The following WDR72 variants were observed in gnomAD, a reference collection of about 807,000 sequenced individuals.
WDR72 encodes WD repeat-containing protein 72.
A neutral mutation model predicts 124.2 loss-of-function variants in WDR72; 120 were observed. That is an observed-to-expected ratio of 0.97 (90% CI 0.83 to 1.12). WDR72 has a LOEUF of 1.12. WDR72 is among the 50% of genes most tolerant of loss of function. The pLI is 0.00. For synonymous variants in WDR72, 452 were observed against 441.7 expected, an observed-to-expected ratio of 1.02 and a Z score of -0.29; for missense variants, 1,387 against 1,278.8, an observed-to-expected ratio of 1.08 and a Z score of -1.29.
At position 53,589,119 on chromosome 15, in the gene WDR72, G is replaced by C. The variant is rs151172137; in HGVS notation, c.3148+7960C>G. ...CTCTAAAAATATCAAACTGAAATCA[G>C]ATCATGACAAAGTGAGCAGTCAAGA... On this transcript the variant is annotated intron_variant, in intron 18 of 19. Transcript: ENST00000360509. Among the ~76,000 whole-genome samples the C allele has an allele frequency of 2.0e-3, 310 of 152,022 alleles. 3 individuals carry two copies. The highest frequency in any genetic ancestry group is 7.2e-3 in the African/African-American group (299 of 41,522).
At chr15:53,722,986 ACT>A in intron 2 of WDR72, 78 bp from the exon 3 acceptor site, 2 of 1,334,966 alleles carry the variant, frequency 1.5e-6, no homozygotes, top group East Asian at 2.3e-5. Flanking sequence ...AGTATTCATA[ACT>A]CTGATTAGGA....
chr15:53,723,766 C>T (rs552656345), intron 2 of WDR72, among the ~76,000 whole-genome samples: 1 of 152,136 alleles, frequency 6.6e-6, no homozygotes, highest in Admixed American at 6.5e-5. Flanking sequence ...ACTTATAATA[C>T]CTAATACAAT....
intron 14 of WDR72, among the ~76,000 whole-genome samples, chr15:53,637,393 CTTG>C (rs2014664937): frequency 2.0e-5 from 3 of 152,090 alleles, no homozygotes; most frequent in Admixed American, 6.6e-5. Context: ...AACATTTTTA[CTTG>C]TTGTCTGCTT....
intron 19 of WDR72, among the ~76,000 whole-genome samples, chr15:53,519,608 T>C (rs1033356695): frequency 6.6e-6 from 1 of 152,060 alleles, no homozygotes; most frequent in African/African-American, 2.4e-5. Flanking sequence ...TCAGAGACAC[T>C]TTTCCCTATC....
At chr15:53,696,840 T>G (rs1019330940) in intron 13 of WDR72, among the ~76,000 whole-genome samples, 6 of 152,172 alleles carry the variant, frequency 3.9e-5, no homozygotes, top group African/African-American at 1.4e-4. Context: ...AGGAACAGCA[T>G]AAACTTATTC....
intron 2 of WDR72, among the ~76,000 whole-genome samples, chr15:53,730,145 A>G (rs2018159631): frequency 6.6e-6 from 1 of 152,186 alleles, no homozygotes; most frequent in African/African-American, 2.4e-5. Context: ...GAACAGATAA[A>G]CAAAATGTGG....
At chr15:53,713,010 G>C (rs2017591024) in intron 6 of WDR72, 119 bp from the exon 7 acceptor site, 1 of 1,135,968 alleles carries the variant, frequency 8.8e-7, no homozygotes, top group Non-Finnish European at 1.3e-6. Context: ...AAAAGTATCT[G>C]AGTTACCTTT....
chr15:53,715,155 T>C (rs771674946), intron 5 of WDR72, 38 bp downstream of exon 5: 4 of 1,599,618 alleles, frequency 2.5e-6, no homozygotes, highest in African/African-American at 2.7e-5. Flanking sequence ...TATTTTTATA[T>C]GCAATCTCTC....
At chr15:53,697,335 C>T (rs1233155356) in intron 13 of WDR72, among the ~76,000 whole-genome samples, 2 of 152,166 alleles carry the variant, frequency 1.3e-5, no homozygotes, top group African/African-American at 4.8e-5. Context: ...AATGCCCTTC[C>T]TCTCTCACTT....
At chr15:53,692,122 A>T (rs539629343) in intron 13 of WDR72, among the ~76,000 whole-genome samples, 8 of 152,342 alleles carry the variant, frequency 5.3e-5, no homozygotes, top group Admixed American at 4.6e-4. Flanking sequence ...TATGGGAACA[A>T]GTCATAAAAC....
At chr15:53,524,280 CACG>C (rs1595727782) in intron 18 of WDR72, among the ~76,000 whole-genome samples, 1 of 152,062 alleles carries the variant, frequency 6.6e-6, no homozygotes, top group East Asian at 1.9e-4. Context: ...CTGCAATAAA[CACG>C]ACTACTGATT....
intron 11 of WDR72, among the ~76,000 whole-genome samples, chr15:53,702,968 T>C (rs2017230598): frequency 2.0e-5 from 3 of 151,834 alleles, no homozygotes; most frequent in Admixed American, 2.0e-4. Context: ...GGTACAATCA[T>C]GGCACCATAA....
At position 53,705,221 on chromosome 15, in the gene WDR72, G is replaced by A; in HGVS notation, c.1115C>T (p.Thr372Ile). Residue 372 changes from threonine to isoleucine, a missense_variant, in exon 11 of 20, where the codon ACT (threonine) becomes ATT (isoleucine). Physicochemically the swap from Thr to Ile is moderately conservative, Grantham distance 89. Transcript: ENST00000360509. ...ATTATCTTGAAGAGTCCAGGTGGCAGTTACTGGTATCTCTAAAAAGAAAAC... is the reference window on the plus strand; with the variant it reads ...ATTATCTTGAAGAGTCCAGGTGGCAATTACTGGTATCTCTAAAAAGAAAAC... Reference protein sequence around the residue: ...FDGSPREIPVTATWTLQDNFD... With the variant: ...FDGSPREIPVIATWTLQDNFD... 6.2e-7 allele frequency: 1 copy of A among 1,613,310 alleles called. No homozygotes were observed. Among genetic ancestry groups the A allele is most frequent in the Non-Finnish European group, 8.5e-7 (1 of 1,179,994 alleles).
Position 53,589,261 on chromosome 15 carries a change from T to C in WDR72, c.3148+7818A>G, listed in dbSNP as rs118006290. 1.4e-4 allele frequency among the ~76,000 whole-genome samples: 21 copies of C among 151,860 alleles called. No individual in the cohort carries two copies. The East Asian group carries it at 4.1e-3, about 30-fold the overall frequency. On this transcript the variant is annotated intron_variant, in intron 18 of 19. Coordinates refer to ENST00000360509, the MANE Select transcript of WDR72 (RefSeq NM_182758.4). ...TGTACATCTCATGGTCCTAGGATGG[T>C]GACTCTCAGATAACACGAATTTCAG...
chr15:53,749,222 T>C (rs1176725296), intron 1 of WDR72, among the ~76,000 whole-genome samples: 1 of 152,208 alleles, frequency 6.6e-6, no homozygotes, highest in African/African-American at 2.4e-5. Flanking sequence ...AGCAAATCTA[T>C]AGGCACCATT....
At chr15:53,568,028 AG>A (rs1205710900) in intron 18 of WDR72, among the ~76,000 whole-genome samples, 1 of 146,634 alleles carries the variant, frequency 6.8e-6, no homozygotes, top group African/African-American at 2.5e-5. Context: ...TTGATTATCT[AG>A]GATGCTCCAA....
intron 14 of WDR72, among the ~76,000 whole-genome samples, chr15:53,635,479 G>A (rs781516145): frequency 9.7e-4 from 148 of 152,264 alleles, no homozygotes; most frequent in Admixed American, 1.4e-3. Flanking sequence ...TTCTCCTTGG[G>A]TGGGAGCTTA....
rs1335247715 is a variant in WDR72, at chr15:53,665,329, G to A, written c.1962+243C>T. Among the ~76,000 whole-genome samples the A allele has an allele frequency of 3.9e-5, 6 of 151,976 alleles. No homozygotes were observed. In the East Asian group the frequency reaches 1.2e-3, roughly 29 times the overall value. On this transcript the variant is annotated intron_variant, in intron 14 of 19. Transcript: ENST00000360509. ...TATGTTAAATCACCTAGGATTCAAG[G>A]GTTAATATAAAATTGACTCAATTTT...
chr15:53,619,829 T>C (rs1338692045), intron 14 of WDR72, among the ~76,000 whole-genome samples: 2 of 152,100 alleles, frequency 1.3e-5, no homozygotes, highest in Admixed American at 6.6e-5. Flanking sequence ...TCTTGTTAAT[T>C]CTAATATGCA....
Sources: allele counts gnomAD v4.1 joint callset (sites outside exome capture counted in the v4.1 genomes callset), GRCh38; gene constraint gnomAD v4.1.1; transcripts MANE v1.5; gene names NCBI Gene and HGNC (gene_info 2026-07-23, HGNC 2026-07-21).